The following TNFRSF8 variants were observed in gnomAD, a reference collection of about 807,000 sequenced individuals.
TNFRSF8 encodes the protein tumor necrosis factor receptor superfamily member 8.
Under a neutral mutation model 70.8 loss-of-function variants are expected in TNFRSF8, and 26 were observed. The ratio of observed to expected loss-of-function variants is 0.37; its 90% CI spans 0.27 to 0.51. TNFRSF8 has a LOEUF of 0.51. TNFRSF8 is among the 20% of genes least tolerant of loss of function. The pLI, the probability that TNFRSF8 is intolerant of heterozygous loss-of-function variation, is 0.94. For synonymous variants in TNFRSF8, 356 were observed against 339.2 expected, an observed-to-expected ratio of 1.05 and a Z score of -0.54; for missense variants, 720 against 807.9, an observed-to-expected ratio of 0.89 and a Z score of 1.32.
At position 12,088,764 on chromosome 1, in the gene TNFRSF8, AAGG is replaced by A. The variant is rs1400963334; in HGVS notation, c.151+4226_151+4228del. The stretch of plus-strand genomic sequence containing the variant: ...GGTTCCTCCGAAGGCTGTGAACAGG[AAGG>A]AGGAGGAGGAGGGGGTTTGTGGGTT... On this transcript the variant is annotated intron_variant, in intron 2 of 14. Transcript: ENST00000263932. This position sits in a 1 kb window ranked among gnomAD's most constrained non-coding sequence, Gnocchi z 4.0. Among the ~76,000 whole-genome samples, 6 of 152,228 alleles carry A rather than the reference AAGG, an allele frequency of 3.9e-5. No homozygotes were observed. Among genetic ancestry groups the A allele is most frequent in the Admixed American group, 6.5e-5 (1 of 15,284 alleles).
chr1:12,124,035 ACT>A (rs1641884683), intron 10 of TNFRSF8, among the ~76,000 whole-genome samples: 1 of 151,700 alleles, frequency 6.6e-6, no homozygotes, highest in Non-Finnish European at 1.5e-5. Context: ...AAACAGTCTC[ACT>A]CTGTTGCTCA....
intron 12 of TNFRSF8, among the ~76,000 whole-genome samples, chr1:12,127,612 C>A (rs1194079346): frequency 6.6e-6 from 1 of 152,254 alleles, no homozygotes; most frequent in African/African-American, 2.4e-5. Flanking sequence ...AAAACACAGT[C>A]CACTGAGGCA....
chr1:12,088,967 C>G lies in TNFRSF8; in HGVS notation c.151+4416C>G, dbSNP rs567092165. Among the ~76,000 whole-genome samples the G allele has an allele frequency of 9.9e-5, 15 of 152,258 alleles. No individual in the cohort carries two copies. In the South Asian group the frequency reaches 3.1e-3, roughly 32 times the overall value. The stretch of plus-strand genomic sequence containing the variant: ...GCCCTCTGACACTGTCCCAGCAGAG[C>G]CCCCTCACAGCACCTCCTGGCCCCC... On this transcript the variant is annotated intron_variant, in intron 2 of 14. Transcript: ENST00000263932. The surrounding 1 kb of genome is among the most constrained non-coding windows in gnomAD (Gnocchi z 4.0).
intron 12 of TNFRSF8, among the ~76,000 whole-genome samples, chr1:12,127,157 G>A (rs1035343824): frequency 3.3e-5 from 5 of 152,228 alleles, no homozygotes; most frequent in African/African-American, 9.6e-5. Flanking sequence ...TCTCTCCTGG[G>A]CAGCCCCTTC....
chr1:12,121,627 T>A (rs993457350), intron 8 of TNFRSF8, among the ~76,000 whole-genome samples: 3 of 152,232 alleles, frequency 2.0e-5, no homozygotes, highest in African/African-American at 7.2e-5. Flanking sequence ...GCTCTCTCCA[T>A]CTGTAAAACA....
At chr1:12,104,295 T>G in intron 3 of TNFRSF8, 84 bp from the exon 4 acceptor site, 1 of 1,508,412 alleles carries the variant, frequency 6.6e-7, no homozygotes, top group Non-Finnish European at 9.2e-7. Flanking sequence ...GGACTGCACC[T>G]GCCCTCTCCC....
rs552219560 is a variant in TNFRSF8, at chr1:12,070,375, C to T, written c.63+6714C>T. 3.8e-4 allele frequency among the ~76,000 whole-genome samples: 58 copies of T among 152,124 alleles called. 3 individuals are homozygous for T. In the South Asian group the frequency reaches 5.6e-3, roughly 15 times the overall value. On this transcript the variant is annotated intron_variant, in intron 1 of 14. Transcript: ENST00000263932. Reference sequence around the variant, plus strand: ...AAGCCATTCTCTCGCCTTAGCCTCCCGAGTAGCTGGGACTACAGGCGCCCG... The same window carrying T: ...AAGCCATTCTCTCGCCTTAGCCTCCTGAGTAGCTGGGACTACAGGCGCCCG...
rs1225431088 is a variant in TNFRSF8, at chr1:12,119,413, C to T, written c.946+3684C>T. Among the ~76,000 whole-genome samples the T allele has an allele frequency of 2.0e-5, 3 of 152,124 alleles. No individual in the cohort carries two copies. Among genetic ancestry groups the T allele is most frequent in the South Asian group, 2.1e-4 (1 of 4,830 alleles). On this transcript the variant is annotated intron_variant, in intron 8 of 14. Transcript: ENST00000263932. This position sits in a 1 kb window ranked among gnomAD's most constrained non-coding sequence, Gnocchi z 4.4. ...ATAGACTTCAGGTCAAAAGGACCTACCAAGAGCAAAGCAGGATTAATGGAA... is the reference window on the plus strand; with the variant it reads ...ATAGACTTCAGGTCAAAAGGACCTATCAAGAGCAAAGCAGGATTAATGGAA...
chr1:12,135,841 A>G (rs2101044123), intron 13 of TNFRSF8, among the ~76,000 whole-genome samples: 1 of 152,268 alleles, frequency 6.6e-6, no homozygotes, highest in Non-Finnish European at 1.5e-5. Context: ...GGCCTCAGCC[A>G]GGCCTTGGCT....
At chr1:12,068,222 G>A (rs78372963) in intron 1 of TNFRSF8, among the ~76,000 whole-genome samples, 1,856 of 152,126 alleles carry the variant, frequency 0.012, 38 homozygotes, top group African/African-American at 0.042. Flanking sequence ...TGTCTGGCCC[G>A]GGGGAGTCCT....
In TNFRSF8 at chr1:12,138,167, A is replaced by T; in HGVS notation, c.1336-62A>T. 6.5e-7 allele frequency: 1 copy of T among 1,549,982 alleles called. No individual in the cohort carries two copies. The highest frequency in any genetic ancestry group is 2.3e-5 in the East Asian group (1 of 44,256). ...AGATGAAAAAAAAAAGGGGCCTCCC[A>T]GTTCAGAGACTGGTGGGGAGGTTGG... is the stretch of plus-strand genomic sequence containing the variant. On this transcript the variant is annotated intron_variant, in intron 13 of 14. Transcript: ENST00000263932. The surrounding 1 kb of genome is among the most constrained non-coding windows in gnomAD (Gnocchi z 5.7).
intron 1 of TNFRSF8, among the ~76,000 whole-genome samples, chr1:12,072,108 G>A (rs983090766): frequency 1.3e-4 from 20 of 152,188 alleles, no homozygotes; most frequent in Admixed American, 7.9e-4. Flanking sequence ...TGTGTGCCTC[G>A]GTTTCCCCAT....
At chr1:12,134,572 C>T (rs1270945462) in intron 12 of TNFRSF8, among the ~76,000 whole-genome samples, 11 of 152,194 alleles carry the variant, frequency 7.2e-5, no homozygotes, top group African/African-American at 1.2e-4. Flanking sequence ...ATCATTGTAT[C>T]AGCACCTCCT....
rs1022204025 is a variant in TNFRSF8 at position 12,141,094 on chromosome 1, A to G, written c.1544-1193A>G. Among the ~76,000 whole-genome samples, 39 of 152,330 alleles carry G rather than the reference A, an allele frequency of 2.6e-4. No individual in the cohort carries two copies. The highest frequency in any genetic ancestry group is 9.4e-4 in the African/African-American group (39 of 41,570). On this transcript the variant is annotated intron_variant, in intron 14 of 14. Transcript: ENST00000263932. The surrounding 1 kb of genome is among the most constrained non-coding windows in gnomAD (Gnocchi z 5.4). ...ACTTCTCTCTTTCCTGGGGGTGTTC[A>G]AAACCAGAATAGAAGAACCAGCGTC...
Position 12,115,636 on chromosome 1 carries a change from C to T in TNFRSF8, c.853C>T (p.Pro285Ser). ...CTCCTCCCGCACCTGCGAATGTCGA[C>T]CTGGCATGATCTGTGCCACATCAGC... ...WNSSRTCECR[P>S]GMICATSATN... Residue 285 changes from proline (P) to serine (S), a missense_variant, in exon 8 of 15, where the codon CCT (proline) becomes TCT (serine). Transcript: ENST00000263932. The T allele has an allele frequency of 1.2e-6, 2 of 1,614,202 alleles. No individual in the cohort carries two copies. Among genetic ancestry groups the T allele is most frequent in the Non-Finnish European group, 1.7e-6 (2 of 1,180,036 alleles).
chr1:12,142,655 T>C lies in TNFRSF8; in HGVS notation c.*124T>C. 1 of 1,322,070 alleles carries C rather than the reference T, an allele frequency of 7.6e-7. No individual in the cohort carries two copies. 81.9% of individuals were successfully genotyped at this position (1,322,070 alleles called of 1,614,324 possible). A position where few individuals can be genotyped will look rare whatever the true frequency, so the allele number is the denominator to read the frequency against. On this transcript the variant is annotated 3_prime_UTR_variant, in exon 15 of 15. Transcript: ENST00000263932. The surrounding 1 kb of genome is among the most constrained non-coding windows in gnomAD (Gnocchi z 5.0). The stretch of plus-strand genomic sequence containing the variant: ...CCTGAACTGAGGCTCCAGCATCTAG[T>C]GGTGGACCGGCCGGTCACTGCAGGG...
intron 2 of TNFRSF8, among the ~76,000 whole-genome samples, chr1:12,096,412 T>C (rs986870573): frequency 6.7e-5 from 9 of 133,934 alleles, no homozygotes; most frequent in African/African-American, 2.5e-4. Flanking sequence ...TTTTAGCTTA[T>C]AGCTGATGAG....
rs1642258879 is a variant in TNFRSF8, at chr1:12,141,824, A to C, written c.1544-463A>C. Among the ~76,000 whole-genome samples the C allele has an allele frequency of 6.6e-6, 1 of 152,148 alleles. No individual in the cohort carries two copies. The highest frequency in any genetic ancestry group is 1.5e-5 in the Non-Finnish European group (1 of 68,018). On this transcript the variant is annotated intron_variant, in intron 14 of 14. Transcript: ENST00000263932. The surrounding 1 kb of genome is among the most constrained non-coding windows in gnomAD (Gnocchi z 5.4). ...TCCTAACTACGTGGCGACCTTGGGCAGGTCATTTAACCTCTCCAGGCTTCA... is the reference window on the plus strand; with the variant it reads ...TCCTAACTACGTGGCGACCTTGGGCCGGTCATTTAACCTCTCCAGGCTTCA...
At chr1:12,116,011 C>T (rs572254294) in intron 8 of TNFRSF8, among the ~76,000 whole-genome samples, 72 of 152,182 alleles carry the variant, frequency 4.7e-4, no homozygotes, top group Admixed American at 2.3e-3. Context: ...GATGGAGTTT[C>T]GCTCATGTTG....
Sources: gnomAD v4.1 joint callset for allele counts (sites outside exome capture counted in the v4.1 genomes callset) on GRCh38, gnomAD v4.1.1 for gene constraint, Gnocchi (gnomAD v3.1) non-coding constraint, MANE v1.5 for transcripts, NCBI Gene and HGNC (gene_info 2026-07-23, HGNC 2026-07-21) for gene names.